The following TMEM132C variants were observed in gnomAD, a reference collection of about 807,000 sequenced individuals.
TMEM132C encodes transmembrane protein 132C.
A neutral mutation model predicts 61.4 loss-of-function variants in TMEM132C; 29 were observed. That is an observed-to-expected ratio of 0.47 (90% CI 0.35 to 0.64). The LOEUF is 0.64. Among genes scored for constraint, TMEM132C ranks in the 30% least tolerant of loss-of-function variants. The pLI is 0.00. For synonymous variants in TMEM132C, 656 were observed against 633.1 expected (o/e 1.04, Z -0.54); for missense variants, 1,408 against 1,476.9 (o/e 0.95, Z 0.76).
chr12:128,629,917 G>C (rs12822261), intron 4 of TMEM132C, among the ~76,000 whole-genome samples: 35,365 of 148,938 alleles, frequency 0.24, 4,352 homozygotes, highest in African/African-American at 0.32. Context: ...AGTGAGCTGA[G>C]ATCACTTCAT....
At chr12:128,504,574 G>A (rs1872293492) in intron 2 of TMEM132C, among the ~76,000 whole-genome samples, 1 of 152,060 alleles carries the variant, frequency 6.6e-6, no homozygotes, top group African/African-American at 2.4e-5. Flanking sequence ...TTCTCCTGAG[G>A]CCTCTCTCCT....
intron 1 of TMEM132C, among the ~76,000 whole-genome samples, chr12:128,382,958 A>ATG (rs536632616): frequency 1.9e-4 from 29 of 150,660 alleles, no homozygotes; most frequent in South Asian, 8.5e-4. Context: ...GTGTGTATGT[A>ATG]TGTGTGTGTG....
At chr12:128,383,635 A>G (rs749371891) in intron 1 of TMEM132C, among the ~76,000 whole-genome samples, 1 of 152,042 alleles carries the variant, frequency 6.6e-6, no homozygotes, top group African/African-American at 2.4e-5. Flanking sequence ...GGGGGTTTCT[A>G]TTTCCCCTTC....
In TMEM132C at chr12:128,267,259, G is replaced by A. The variant is rs1870334921; in HGVS notation, c.-144G>A. 3.1e-6 allele frequency: 1 copy of A among 324,288 alleles called. No homozygotes were observed. The highest frequency in any genetic ancestry group is 4.4e-6 in the Non-Finnish European group (1 of 227,388). 20.1% of individuals were successfully genotyped at this position (324,288 alleles called of 1,614,324 possible). On this transcript the variant is annotated 5_prime_UTR_variant, in exon 1 of 9. Coordinates refer to ENST00000435159, the MANE Select transcript of TMEM132C (RefSeq NM_001136103.3). ...GCTGCGGCGGCGTGGACCCGGCAGG[G>A]GCGGGCCTCGGACAGCAGAGACGCA...
rs1157747397 is a variant in TMEM132C at position 128,634,673 on chromosome 12, TG to T, written c.1305+18339del. ...CCTGTCCAACTGTACTTGGCAGCCT[TG>T]TGCGATCTCATCTACAAACTGAGTA... is the stretch of plus-strand genomic sequence containing the variant. On this transcript the variant is annotated intron_variant, in intron 4 of 8. Transcript: ENST00000435159. 3.9e-5 allele frequency among the ~76,000 whole-genome samples: 6 copies of T among 152,364 alleles called. No individual in the cohort carries two copies. The East Asian group carries it at 9.7e-4, about 25-fold the overall frequency.
At chr12:128,562,891 G>C (rs1045580828) in intron 3 of TMEM132C, among the ~76,000 whole-genome samples, 2 of 152,198 alleles carry the variant, frequency 1.3e-5, no homozygotes. Flanking sequence ...CAGGTACCCA[G>C]ACTCCTGCCA....
intron 1 of TMEM132C, among the ~76,000 whole-genome samples, chr12:128,322,210 A>G (rs1174638158): frequency 6.6e-6 from 1 of 152,178 alleles, no homozygotes; most frequent in Non-Finnish European, 1.5e-5. Context: ...CCATGTTGTG[A>G]GGAAGCTCAA....
chr12:128,564,378 A>C (rs543848085), intron 3 of TMEM132C, among the ~76,000 whole-genome samples: 2 of 152,336 alleles, frequency 1.3e-5, no homozygotes, highest in South Asian at 2.1e-4. Context: ...GGCTTCAGCC[A>C]TCACAGCATC....
At chr12:128,564,801 G>A (rs918895454) in intron 3 of TMEM132C, among the ~76,000 whole-genome samples, 25 of 152,152 alleles carry the variant, frequency 1.6e-4, no homozygotes, top group African/African-American at 5.8e-4. Context: ...CCCAAAATGA[G>A]AGCTGCTGAT....
intron 1 of TMEM132C, 50 bp downstream of exon 1, chr12:128,267,537 T>C: frequency 1.7e-6 from 2 of 1,211,296 alleles, no homozygotes; most frequent in Non-Finnish European, 2.1e-6. Flanking sequence ...AACTTCCCGG[T>C]TCCGGGGGAG....
At chr12:128,432,969 A>G (rs1236482571) in intron 2 of TMEM132C, among the ~76,000 whole-genome samples, 2 of 151,626 alleles carry the variant, frequency 1.3e-5, no homozygotes, top group Non-Finnish European at 2.9e-5. Context: ...GTCAGCAGCC[A>G]TCAATATTGA....
intron 1 of TMEM132C, among the ~76,000 whole-genome samples, chr12:128,312,219 G>A (rs745423885): frequency 6.6e-6 from 1 of 152,172 alleles, no homozygotes; most frequent in Non-Finnish European, 1.5e-5. Flanking sequence ...TTTGGAAATA[G>A]GGTCTTTGTA....
intron 2 of TMEM132C, among the ~76,000 whole-genome samples, chr12:128,483,243 G>A (rs1308863543): frequency 6.9e-6 from 1 of 145,362 alleles, no homozygotes; most frequent in Non-Finnish European, 1.5e-5. Context: ...ACTCCAGCCT[G>A]GGCAACAGAG....
chr12:128,339,366 T>TC (rs1465970644), intron 1 of TMEM132C, among the ~76,000 whole-genome samples: 7 of 152,168 alleles, frequency 4.6e-5, no homozygotes, highest in African/African-American at 1.7e-4. Flanking sequence ...TGCTGGTTTA[T>TC]CCAGAGGAGT....
intron 2 of TMEM132C, among the ~76,000 whole-genome samples, chr12:128,448,298 A>G (rs1215183480): frequency 6.6e-6 from 1 of 152,152 alleles, no homozygotes; most frequent in Non-Finnish European, 1.5e-5. Context: ...TAGAGCAACA[A>G]CTATTTCTTT....
At chr12:128,442,213 C>A (rs1372081470) in intron 2 of TMEM132C, among the ~76,000 whole-genome samples, 1 of 152,150 alleles carries the variant, frequency 6.6e-6, no homozygotes, top group African/African-American at 2.4e-5. Context: ...CCCTCCCCTC[C>A]AGAAGTAAGA....
chr12:128,541,681 G>A (rs1284122446), intron 2 of TMEM132C, among the ~76,000 whole-genome samples: 1 of 152,192 alleles, frequency 6.6e-6, no homozygotes, highest in Non-Finnish European at 1.5e-5. Context: ...TTCATATAAA[G>A]GAGGGGGACT....
chr12:128,656,845 G>C (rs183952268), intron 4 of TMEM132C, among the ~76,000 whole-genome samples: 2 of 152,184 alleles, frequency 1.3e-5, no homozygotes, highest in African/African-American at 2.4e-5. Flanking sequence ...AAAAAAGAGA[G>C]TGGATATTGA....
chr12:128,452,774 C>A (rs561095591), intron 2 of TMEM132C, among the ~76,000 whole-genome samples: 1 of 151,936 alleles, frequency 6.6e-6, no homozygotes, highest in African/African-American at 2.4e-5. Flanking sequence ...GGCTGTCCAC[C>A]GATCCAGATC....
Sources: gnomAD v4.1 joint callset for allele counts (sites outside exome capture counted in the v4.1 genomes callset) on GRCh38, gnomAD v4.1.1 for gene constraint, MANE v1.5 for transcripts, NCBI Gene and HGNC (gene_info 2026-07-23, HGNC 2026-07-21) for gene names.